ARK2N: variants seen among roughly 807,000 people sequenced by gnomAD.
ARK2N encodes the protein protein ARK2N.
chr18:46,210,093 C>T, the ARK2N span, among the ~76,000 whole-genome samples: 1 of 152,044 alleles, frequency 6.6e-6, no homozygotes, highest in African/African-American at 2.4e-5. Context: ...ACATATTTAC[C>T]TTGTAGAAAT....
the ARK2N span, chr18:46,215,725 TG>T: frequency 8.1e-5 from 52 of 638,988 alleles, no homozygotes; most frequent in Admixed American, 2.7e-4. Context: ...TAGTAAGTTT[TG>T]CCCCACCCAC....
At chr18:46,226,860 T>C in the ARK2N span, among the ~76,000 whole-genome samples, 2 of 149,372 alleles carry the variant, frequency 1.3e-5, no homozygotes, top group Non-Finnish European at 3.0e-5. Context: ...CAGGCTGGAG[T>C]GCAATGGTGG....
the ARK2N span, among the ~76,000 whole-genome samples, chr18:46,236,944 A>G: frequency 2.0e-5 from 3 of 150,220 alleles, no homozygotes; most frequent in East Asian, 1.9e-4. Context: ...GCTCACTGCA[A>G]CCTCCGCCTC....
At chr18:46,226,124 G>A in the ARK2N span, among the ~76,000 whole-genome samples, 1 of 152,050 alleles carries the variant, frequency 6.6e-6, no homozygotes, top group African/African-American at 2.4e-5. Flanking sequence ...TATTCCACAT[G>A]TCATTTAATA....
chr18:46,247,900 C>T, the ARK2N span, among the ~76,000 whole-genome samples: 3 of 152,152 alleles, frequency 2.0e-5, no homozygotes, highest in Admixed American at 6.5e-5. Flanking sequence ...CTCAAACACC[C>T]GACCTCAAGT....
the ARK2N span, among the ~76,000 whole-genome samples, chr18:46,237,348 T>C: frequency 6.6e-6 from 1 of 151,782 alleles, no homozygotes; most frequent in Admixed American, 6.6e-5. Flanking sequence ...TTAGCTAATA[T>C]TTGTATAGTA....
the ARK2N span, among the ~76,000 whole-genome samples, chr18:46,200,320 T>G: frequency 3.3e-5 from 5 of 152,186 alleles, no homozygotes; most frequent in African/African-American, 9.7e-5. Context: ...TCGTTTGTTT[T>G]TTTTTAAGAC....
At chr18:46,262,912 C>T in the ARK2N span, 3 of 1,596,572 alleles carry the variant, frequency 1.9e-6, no homozygotes, top group Non-Finnish European at 2.6e-6. Context: ...TGCTTTTGTT[C>T]TTCATCTCAA....
At chr18:46,197,712 C>T in the ARK2N span, among the ~76,000 whole-genome samples, 8 of 151,978 alleles carry the variant, frequency 5.3e-5, no homozygotes, top group East Asian at 3.9e-4. Flanking sequence ...GCCAGTTAGT[C>T]GTTGGATAAC....
At chr18:46,252,282 CT>C in the ARK2N span, among the ~76,000 whole-genome samples, 7 of 146,842 alleles carry the variant, frequency 4.8e-5, no homozygotes, top group South Asian at 2.2e-4. Context: ...ATTTTCTTTT[CT>C]TTTTTTTTTG....
the ARK2N span, among the ~76,000 whole-genome samples, chr18:46,225,200 C>T: frequency 1.3e-5 from 2 of 152,260 alleles, no homozygotes; most frequent in African/African-American, 4.8e-5. Flanking sequence ...GTCACCCCAT[C>T]AAGTGCTTAC....
At chr18:46,213,920 C>G in the ARK2N span, among the ~76,000 whole-genome samples, 1 of 152,140 alleles carries the variant, frequency 6.6e-6, no homozygotes. Context: ...TGGTCTCGAA[C>G]TTCCAACCTC....
At chr18:46,194,052 A>G in the ARK2N span, among the ~76,000 whole-genome samples, 11 of 152,088 alleles carry the variant, frequency 7.2e-5, no homozygotes, top group African/African-American at 2.7e-4. Context: ...TGCCCAGGCC[A>G]GAGTGCAAAG....
chr18:46,199,198 T>G, the ARK2N span, among the ~76,000 whole-genome samples: 7 of 152,204 alleles, frequency 4.6e-5, no homozygotes, highest in Admixed American at 2.0e-4. Context: ...TATCTTAACT[T>G]TCACAGTATT....
the ARK2N span, among the ~76,000 whole-genome samples, chr18:46,215,611 AG>A: frequency 6.6e-6 from 1 of 152,194 alleles, no homozygotes; most frequent in African/African-American, 2.4e-5. Flanking sequence ...TGGCATTTTT[AG>A]TAGCTCAGTA....
At chr18:46,176,738 C>G in the ARK2N span, among the ~76,000 whole-genome samples, 1 of 152,268 alleles carries the variant, frequency 6.6e-6, no homozygotes, top group Non-Finnish European at 1.5e-5. Context: ...TTGCCTCAGC[C>G]TACCAATTAG....
At chr18:46,215,750 C>A in the ARK2N span, 1 of 825,818 alleles carries the variant, frequency 1.2e-6, no homozygotes, top group Non-Finnish European at 1.9e-6. Context: ...GAAAGGTAGG[C>A]ATGTTGTGTT....
the ARK2N span, among the ~76,000 whole-genome samples, chr18:46,257,032 T>TTATC: frequency 3.3e-5 from 5 of 152,202 alleles, no homozygotes; most frequent in Non-Finnish European, 7.3e-5. Context: ...TCTGGCAGGG[T>TTATC]TATCACTTGG....
chr18:46,195,834 T>C, the ARK2N span, among the ~76,000 whole-genome samples: 1 of 151,988 alleles, frequency 6.6e-6, no homozygotes, highest in African/African-American at 2.4e-5. Context: ...CTTCAGCCTC[T>C]TAAAATGCTG....
Sources: allele counts gnomAD v4.1 joint callset (sites outside exome capture counted in the v4.1 genomes callset), GRCh38; gene constraint gnomAD v4.1.1; transcripts MANE v1.5; gene names NCBI Gene and HGNC (gene_info 2026-07-23, HGNC 2026-07-21).